WWTR1: variants seen among roughly 807,000 people sequenced by gnomAD.
The protein encoded by WWTR1 is WW domain-containing transcription regulator protein 1.
Under a neutral mutation model 40.1 loss-of-function variants are expected in WWTR1, and 13 were observed. The observed-to-expected ratio is 0.32, with a 90% CI of 0.21 to 0.52. WWTR1 has a LOEUF of 0.52. Among genes scored for constraint, WWTR1 ranks in the 20% least tolerant of loss-of-function variants. WWTR1 has a pLI of 0.97. For synonymous variants in WWTR1, 230 were observed against 210.1 expected (o/e 1.09, Z -0.82); for missense variants, 436 against 523.1 (o/e 0.83, Z 1.63).
In WWTR1 at chr3:149,600,308, C is replaced by T. The variant is rs571873340; in HGVS notation, c.432-27308G>A. ...AGCAGTAGCTTTAATTAAGATTCTA[C>T]CTGTAACACAGTCCCCGATGGGAAT... On this transcript the variant is annotated intron_variant, in intron 2 of 6. Transcript: ENST00000360632. 2.0e-5 allele frequency among the ~76,000 whole-genome samples: 3 copies of T among 152,320 alleles called. No individual in the cohort carries two copies. The East Asian group carries it at 5.8e-4, about 29-fold the overall frequency.
chr3:149,674,534 C>T (rs1198239852), intron 1 of WWTR1, among the ~76,000 whole-genome samples: 1 of 151,950 alleles, frequency 6.6e-6, no homozygotes, highest in African/African-American at 2.4e-5. Context: ...TTGCAGTGAG[C>T]CGTGATCATA....
chr3:149,550,646 A>G (rs932794606), intron 3 of WWTR1, among the ~76,000 whole-genome samples: 4 of 152,242 alleles, frequency 2.6e-5, no homozygotes, highest in African/African-American at 9.6e-5. Flanking sequence ...AAAAGCGGAC[A>G]GGGAATGTTG....
intron 2 of WWTR1, among the ~76,000 whole-genome samples, chr3:149,580,136 T>C (rs571260733): frequency 3.3e-5 from 5 of 152,356 alleles, no homozygotes; most frequent in African/African-American, 1.2e-4. Flanking sequence ...TAAATACTGT[T>C]TGCATTTAAA....
chr3:149,667,464 C>T (rs890748144), intron 2 of WWTR1, among the ~76,000 whole-genome samples: 2 of 151,144 alleles, frequency 1.3e-5, no homozygotes, highest in Non-Finnish European at 2.9e-5. Context: ...AGGAGAATGG[C>T]GTGAACCCAG....
chr3:149,690,598 G>A (rs2108212753), intron 1 of WWTR1, among the ~76,000 whole-genome samples: 1 of 152,184 alleles, frequency 6.6e-6, no homozygotes, highest in Non-Finnish European at 1.5e-5. Context: ...CTCAACAATG[G>A]AGCATCCAGA....
rs1739488691 is a variant in WWTR1 at position 149,606,410 on chromosome 3, G to A, written c.432-33410C>T. On this transcript the variant is annotated intron_variant, in intron 2 of 6. Transcript: ENST00000360632. Reference sequence around the variant, plus strand: ...ATTCTTTTATCATTAAAATTTCTAAGAAATCCCAGCATTTCCTCAAATAGT... The same window carrying A: ...ATTCTTTTATCATTAAAATTTCTAAAAAATCCCAGCATTTCCTCAAATAGT... Among the ~76,000 whole-genome samples, 4 of 152,192 alleles carry A rather than the reference G, an allele frequency of 2.6e-5. No individual in the cohort carries two copies. In the South Asian group the frequency reaches 8.3e-4, roughly 32 times the overall value.
At chr3:149,557,864 G>A (rs903335919) in intron 3 of WWTR1, among the ~76,000 whole-genome samples, 1 of 151,892 alleles carries the variant, frequency 6.6e-6, no homozygotes, top group East Asian at 1.9e-4. Flanking sequence ...TTAGACAAGC[G>A]TGGCGGTGTG....
At chr3:149,576,398 C>T (rs1279993684) in intron 2 of WWTR1, 2 of 268,030 alleles carry the variant, frequency 7.5e-6, no homozygotes, top group South Asian at 8.8e-5. Flanking sequence ...ATCTCTGCTC[C>T]CTCTCTCAAT....
intron 1 of WWTR1, among the ~76,000 whole-genome samples, chr3:149,677,463 T>A (rs1714305872): frequency 6.6e-6 from 1 of 152,162 alleles, no homozygotes; most frequent in Admixed American, 6.5e-5. Flanking sequence ...CTACCTTTCA[T>A]ACACTGACAA....
chr3:149,577,067 G>C (rs990607143), intron 2 of WWTR1, among the ~76,000 whole-genome samples: 1 of 152,158 alleles, frequency 6.6e-6, no homozygotes, highest in Admixed American at 6.5e-5. Flanking sequence ...TGAGGCAGGA[G>C]AATTGCTTGA....
chr3:149,597,787 G>A (rs1183174947), intron 2 of WWTR1, among the ~76,000 whole-genome samples: 2 of 152,216 alleles, frequency 1.3e-5, no homozygotes, highest in Non-Finnish European at 2.9e-5. Context: ...TTGGACACAA[G>A]TGCACTTTAC....
chr3:149,676,310 G>GT (rs1714257367), intron 1 of WWTR1, among the ~76,000 whole-genome samples: 1 of 152,088 alleles, frequency 6.6e-6, no homozygotes, highest in Admixed American at 6.6e-5. Context: ...GCAAAATTTA[G>GT]TAAGAATCTT....
intron 1 of WWTR1, among the ~76,000 whole-genome samples, chr3:149,694,833 T>C (rs929054417): frequency 2.0e-5 from 3 of 152,136 alleles, no homozygotes; most frequent in Non-Finnish European, 2.9e-5. Flanking sequence ...ATAAAGAAAA[T>C]CATTATATCG....
chr3:149,651,348 G>A (rs991404264), intron 2 of WWTR1, among the ~76,000 whole-genome samples: 2 of 152,092 alleles, frequency 1.3e-5, no homozygotes, highest in Admixed American at 6.6e-5. Context: ...AGGAAGACAC[G>A]GGAAAAGGAA....
At chr3:149,665,227 C>CTTTTTTTTT (rs11398199) in intron 2 of WWTR1, among the ~76,000 whole-genome samples, 1 of 128,278 alleles carries the variant, frequency 7.8e-6, no homozygotes, top group African/African-American at 2.9e-5. Context: ...TCCTTTCTTT[C>CTTTTTTTTT]TTTTTTTTTT....
At chr3:149,651,444 C>T (rs939795538) in intron 2 of WWTR1, among the ~76,000 whole-genome samples, 5 of 152,074 alleles carry the variant, frequency 3.3e-5, no homozygotes, top group South Asian at 4.2e-4. Context: ...CGGCACAGAA[C>T]GAGAAAGGAA....
chr3:149,652,527 G>A (rs1477292166), intron 2 of WWTR1, among the ~76,000 whole-genome samples: 1 of 147,012 alleles, frequency 6.8e-6, no homozygotes, highest in African/African-American at 2.5e-5. Flanking sequence ...GGAAGCTGAG[G>A]TGGGAGGATC....
intron 4 of WWTR1, among the ~76,000 whole-genome samples, chr3:149,528,286 C>T (rs1250619801): frequency 6.6e-6 from 1 of 152,158 alleles, no homozygotes; most frequent in Non-Finnish European, 1.5e-5. Flanking sequence ...TTGTCAGAGA[C>T]AAGGCTTTTT....
intron 2 of WWTR1, among the ~76,000 whole-genome samples, chr3:149,616,036 T>C (rs1053979264): frequency 2.0e-5 from 3 of 152,198 alleles, no homozygotes; most frequent in Non-Finnish European, 4.4e-5. Context: ...CCTGAGTCAA[T>C]ATCCTCAGTG....
Sources: gnomAD v4.1 joint callset for allele counts (sites outside exome capture counted in the v4.1 genomes callset) on GRCh38, gnomAD v4.1.1 for gene constraint, MANE v1.5 for transcripts, NCBI Gene and HGNC (gene_info 2026-07-23, HGNC 2026-07-21) for gene names.